The following FNIP1 variants were observed in gnomAD, a reference collection of about 807,000 sequenced individuals.
The protein encoded by FNIP1 is folliculin interacting protein 1.
FNIP1 carries 40 observed loss-of-function variants against 124.5 expected under a neutral mutation model. That is an observed-to-expected ratio of 0.32 (90% CI 0.25 to 0.42). FNIP1 has a LOEUF of 0.42. FNIP1 is among the 10% of genes least tolerant of loss of function. The pLI, the probability that FNIP1 is intolerant of heterozygous loss-of-function variation, is 1.00. For missense variants in FNIP1, 1,176 were observed against 1,403.7 expected (o/e 0.84, Z 2.59); for synonymous variants, 472 against 470.6 (o/e 1.00, Z -0.04).
intron 4 of FNIP1, 91 bp from the exon 5 acceptor site, chr5:131,719,151 T>G (rs1365465729): frequency 4.6e-6 from 6 of 1,292,546 alleles, no homozygotes; most frequent in Non-Finnish European, 6.6e-6. Context: ...GTCACAGAGG[T>G]TTCACAGCAT....
chr5:131,646,900 G>T (rs1038690625), intron 17 of FNIP1, among the ~76,000 whole-genome samples, 190 bp downstream of exon 17: 1 of 152,158 alleles, frequency 6.6e-6, no homozygotes, highest in African/African-American at 2.4e-5. Context: ...TGGCACAAGG[G>T]ATAATGCCTT....
chr5:131,745,655 C>G (rs1270905886), intron 1 of FNIP1, among the ~76,000 whole-genome samples: 1 of 151,590 alleles, frequency 6.6e-6, no homozygotes. Flanking sequence ...TAAAACAAAT[C>G]CCAGTAAAAA....
chr5:131,685,449 T>TTC (rs56692430), intron 11 of FNIP1, among the ~76,000 whole-genome samples: 45 of 13,500 alleles, frequency 3.3e-3, no homozygotes, highest in Admixed American at 0.021. Flanking sequence ...CTTAAGAATC[T>TTC]TTTTTTTTTT....
intron 2 of FNIP1, among the ~76,000 whole-genome samples, chr5:131,734,022 A>G (rs927291313): frequency 5.3e-5 from 8 of 152,176 alleles, no homozygotes; most frequent in Non-Finnish European, 1.2e-4. Flanking sequence ...TTACTGGTCT[A>G]TTCAGAGACT....
At chr5:131,674,437 G>C (rs1408512927) in intron 13 of FNIP1, among the ~76,000 whole-genome samples, 2 of 152,122 alleles carry the variant, frequency 1.3e-5, no homozygotes, top group East Asian at 1.9e-4. Context: ...GAATAGGGCT[G>C]GGCATGGTGG....
intron 11 of FNIP1, among the ~76,000 whole-genome samples, chr5:131,692,471 A>G (rs188556649): frequency 4.6e-5 from 7 of 152,310 alleles, no homozygotes; most frequent in Non-Finnish European, 8.8e-5. Context: ...TAAAACGTCA[A>G]TTCTTCCCAA....
At chr5:131,645,018 C>T (rs144695348) in intron 17 of FNIP1, among the ~76,000 whole-genome samples, 113 of 152,268 alleles carry the variant, frequency 7.4e-4, no homozygotes, top group South Asian at 6.2e-3. Context: ...TGACTAACAA[C>T]TGCAATCTAG....
chr5:131,782,325 G>A (rs1054051312), intron 1 of FNIP1, among the ~76,000 whole-genome samples: 4 of 152,090 alleles, frequency 2.6e-5, no homozygotes, highest in Non-Finnish European at 4.4e-5. Flanking sequence ...GAGACGGGGG[G>A]ATCTCTTGAG....
chr5:131,693,432 A>G (rs1314097427), intron 11 of FNIP1, among the ~76,000 whole-genome samples: 1 of 148,810 alleles, frequency 6.7e-6, no homozygotes, highest in Non-Finnish European at 1.5e-5. Flanking sequence ...TCACACAACT[A>G]GAGTATAAAC....
intron 15 of FNIP1, among the ~76,000 whole-genome samples, chr5:131,653,493 C>T (rs1357052753): frequency 4.0e-5 from 6 of 151,230 alleles, no homozygotes; most frequent in South Asian, 4.2e-4. Flanking sequence ...GAGCTGAGAT[C>T]GTGCCATTGC....
At chr5:131,720,512 ATGTTTC>A (rs1372966861) in intron 3 of FNIP1, among the ~76,000 whole-genome samples, 2 of 152,178 alleles carry the variant, frequency 1.3e-5, no homozygotes, top group Non-Finnish European at 2.9e-5. Context: ...TCAAACTAAA[ATGTTTC>A]TGCACAGCAA....
chr5:131,644,700 T>C lies in FNIP1; in HGVS notation c.3486A>G (p.Ala1162=), dbSNP rs758389614. ...TTTAGGTATATTAAAGGAGTATTTG[T>C]GCAACATATGGAGAGTGAGTGCTTG... ...AVASTHSPYV[A]QILL The change falls in exon 18 of 18, where the codon GCA becomes GCG. Residue 1162 remains alanine (A), a synonymous_variant. Coordinates refer to ENST00000510461, the MANE Select transcript of FNIP1 (RefSeq NM_133372.3). The C allele has an allele frequency of 3.7e-6, 6 of 1,613,892 alleles. No individual in the cohort carries two copies. The highest frequency in any genetic ancestry group is 5.1e-6 in the Non-Finnish European group (6 of 1,179,868).
At chr5:131,767,344 G>T (rs749319894) in intron 1 of FNIP1, among the ~76,000 whole-genome samples, 1 of 143,990 alleles carries the variant, frequency 6.9e-6, no homozygotes, top group African/African-American at 2.6e-5. Flanking sequence ...CGGGAGAATC[G>T]CTTGAACCTG....
At chr5:131,690,688 T>C (rs751779215) in intron 11 of FNIP1, among the ~76,000 whole-genome samples, 22 of 152,168 alleles carry the variant, frequency 1.4e-4, no homozygotes, top group Non-Finnish European at 2.6e-4. Flanking sequence ...CAGTTCTTTA[T>C]AGCAGTACGA....
intron 2 of FNIP1, among the ~76,000 whole-genome samples, chr5:131,733,360 A>G (rs1770167406): frequency 6.6e-6 from 1 of 152,132 alleles, no homozygotes; most frequent in South Asian, 2.1e-4. Flanking sequence ...AACTTCCAAC[A>G]CTATGTTGAA....
chr5:131,665,924 C>T (rs866185205), intron 15 of FNIP1, among the ~76,000 whole-genome samples: 9 of 121,118 alleles, frequency 7.4e-5, no homozygotes, highest in South Asian at 2.6e-4. Context: ...TTTTTTGAGA[C>T]GGAGTCTCGC....
At chr5:131,666,683 G>A (rs1262645796) in intron 15 of FNIP1, among the ~76,000 whole-genome samples, 4 of 152,116 alleles carry the variant, frequency 2.6e-5, no homozygotes, top group Admixed American at 1.3e-4. Flanking sequence ...ATAAGATTAA[G>A]TGAAATAGTA....
At chr5:131,751,473 C>T (rs929262332) in intron 1 of FNIP1, among the ~76,000 whole-genome samples, 1 of 151,662 alleles carries the variant, frequency 6.6e-6, no homozygotes, top group African/African-American at 2.4e-5. Context: ...TTTGAATCCC[C>T]AGTCCCAAGC....
chr5:131,671,639 T>G lies in FNIP1; in HGVS notation c.2805A>C (p.Arg935Ser). ...IAVGTEWDIP[R>S]NESSDSALGD... The stretch of plus-strand genomic sequence containing the variant: ...CAAGGGCACTGTCTGAACTTTCATT[T>G]CTTGGAATGTCCCATTCAGTTCCTA... Residue 935 changes from arginine (R) to serine (S), a missense_variant, in exon 14 of 18, where the codon AGA (arginine) becomes AGC (serine). By Grantham distance (110) the Arg-to-Ser change is moderately radical. Transcript: ENST00000510461. 2 of 1,614,152 alleles carry G rather than the reference T, an allele frequency of 1.2e-6. No homozygotes were observed. Among genetic ancestry groups the G allele is most frequent in the Non-Finnish European group, 8.5e-7 (1 of 1,180,014 alleles).
Sources: allele counts gnomAD v4.1 joint callset (sites outside exome capture counted in the v4.1 genomes callset), GRCh38; gene constraint gnomAD v4.1.1; transcripts MANE v1.5; gene names NCBI Gene and HGNC (gene_info 2026-07-23, HGNC 2026-07-21).